PEX5L: variants seen among roughly 807,000 people sequenced by gnomAD.
PEX5L encodes the protein peroxisomal biogenesis factor 5 like.
A neutral mutation model predicts 84.0 loss-of-function variants in PEX5L; 30 were observed. The observed-to-expected ratio is 0.36, with a 90% CI of 0.27 to 0.48. The LOEUF (loss-of-function observed/expected upper bound fraction) is 0.48. Ranked by LOEUF, PEX5L falls within the 20% of genes least tolerant of loss-of-function variation. The probability of loss-of-function intolerance (pLI) is 0.99; values close to 1 mark genes in which losing one functional copy is unlikely to be tolerated. For missense variants in PEX5L, 533 were observed against 754.6 expected, an observed-to-expected ratio of 0.71 and a Z score of 3.44; for synonymous variants, 270 against 283.1, an observed-to-expected ratio of 0.95 and a Z score of 0.46.
intron 2 of PEX5L, among the ~76,000 whole-genome samples, chr3:179,934,828 T>C (rs1201308179): frequency 6.6e-6 from 1 of 152,168 alleles, no homozygotes; most frequent in African/African-American, 2.4e-5. Context: ...TGTGGTAGCA[T>C]TTGATTGTAT....
At chr3:179,961,575 C>T (rs1782053086) in intron 2 of PEX5L, among the ~76,000 whole-genome samples, 1 of 152,000 alleles carries the variant, frequency 6.6e-6, no homozygotes, top group Non-Finnish European at 1.5e-5. Flanking sequence ...GCATCTCAGT[C>T]CAAAGTCGAA....
chr3:179,800,202 T>TAG lies in PEX5L; in HGVS notation c.*1624_*1625dup, dbSNP rs1395197273. On this transcript the variant is annotated 3_prime_UTR_variant, in exon 15 of 15. Transcript: ENST00000467460. ...GCACGTGTGCACATTTACTCCTCAG[T>TAG]AGAAGCTTATTCCCCAGCCAATTAG... 2 of 152,232 alleles carry TAG rather than the reference T, an allele frequency of 1.3e-5. No homozygotes were observed. The highest frequency in any genetic ancestry group is 4.8e-5 in the African/African-American group (2 of 41,456). The allele number at this position is 152,232 out of a possible 1,614,324, so 9.4% of individuals were successfully genotyped here. A position where few individuals can be genotyped will look rare whatever the true frequency, so the allele number is the denominator to read the frequency against.
chr3:179,949,136 C>T (rs1394657640), intron 2 of PEX5L, among the ~76,000 whole-genome samples: 2 of 151,712 alleles, frequency 1.3e-5, no homozygotes, highest in Admixed American at 6.6e-5. Flanking sequence ...TAGTTTAGTC[C>T]GTGTTGCAAT....
chr3:180,004,884 C>T (rs1345126846), intron 1 of PEX5L, among the ~76,000 whole-genome samples: 2 of 151,848 alleles, frequency 1.3e-5, no homozygotes, highest in Non-Finnish European at 2.9e-5. Flanking sequence ...GAAATGCATA[C>T]TAGAATTAGT....
At chr3:179,807,878 T>C in intron 13 of PEX5L, 47 bp from the exon 14 acceptor site, 1 of 1,527,844 alleles carries the variant, frequency 6.5e-7, no homozygotes, top group South Asian at 1.2e-5. Context: ...CAAGGCACAA[T>C]GACAGAGCAT....
chr3:179,908,479 A>T (rs188756210), intron 2 of PEX5L, among the ~76,000 whole-genome samples: 213 of 152,210 alleles, frequency 1.4e-3, no homozygotes, highest in Middle Eastern at 0.014. Flanking sequence ...TTATTTTATT[A>T]TTGTTATACT....
intron 1 of PEX5L, among the ~76,000 whole-genome samples, chr3:179,994,122 C>T (rs1787634332): frequency 6.6e-6 from 1 of 152,178 alleles, no homozygotes; most frequent in African/African-American, 2.4e-5. Context: ...GGTGGACATT[C>T]AGGTTTTTAG....
intron 1 of PEX5L, among the ~76,000 whole-genome samples, chr3:180,007,262 T>C (rs1788993217): frequency 6.6e-6 from 1 of 152,198 alleles, no homozygotes; most frequent in Non-Finnish European, 1.5e-5. Context: ...AGCTCCAAAA[T>C]GATCTCCTTT....
chr3:179,945,436 T>A (rs1481705445), intron 2 of PEX5L, among the ~76,000 whole-genome samples: 1 of 152,194 alleles, frequency 6.6e-6, no homozygotes, highest in Non-Finnish European at 1.5e-5. Context: ...ACTTTCTAAA[T>A]CTCTCTAAGT....
intron 1 of PEX5L, among the ~76,000 whole-genome samples, chr3:180,002,540 C>T (rs920750760): frequency 6.6e-6 from 1 of 151,946 alleles, no homozygotes; most frequent in Non-Finnish European, 1.5e-5. Flanking sequence ...TGTATATTAT[C>T]CCCAGTTGTA....
chr3:179,914,083 A>G (rs1247237345), intron 2 of PEX5L, among the ~76,000 whole-genome samples: 1 of 152,164 alleles, frequency 6.6e-6, no homozygotes, highest in Non-Finnish European at 1.5e-5. Flanking sequence ...TGACTAACAG[A>G]GATTGATGTT....
At chr3:179,965,734 T>C (rs962164970) in intron 2 of PEX5L, among the ~76,000 whole-genome samples, 1 of 152,136 alleles carries the variant, frequency 6.6e-6, no homozygotes, top group African/African-American at 2.4e-5. Context: ...AACCAAAAAA[T>C]AAACTCAGCA....
chr3:180,024,591 G>A (rs1163190378), intron 1 of PEX5L, among the ~76,000 whole-genome samples: 1 of 151,062 alleles, frequency 6.6e-6, no homozygotes, highest in South Asian at 2.1e-4. Context: ...GTTCAGATAG[G>A]TGCACAAAAT....
chr3:179,848,271 C>G (rs1350765553), intron 8 of PEX5L, among the ~76,000 whole-genome samples: 1 of 152,020 alleles, frequency 6.6e-6, no homozygotes, highest in Non-Finnish European at 1.5e-5. Context: ...AAAAATTTGG[C>G]TGGGTGTGGT....
At chr3:179,909,165 A>G (rs1055607980) in intron 2 of PEX5L, among the ~76,000 whole-genome samples, 1 of 152,122 alleles carries the variant, frequency 6.6e-6, no homozygotes, top group Non-Finnish European at 1.5e-5. Flanking sequence ...AGAGCATTCT[A>G]TCATCTGAAT....
chr3:179,978,051 T>C (rs1579204992), intron 1 of PEX5L, among the ~76,000 whole-genome samples: 1 of 152,338 alleles, frequency 6.6e-6, no homozygotes, highest in East Asian at 1.9e-4. Context: ...CATTTTAAAC[T>C]GTTTTGCCAT....
At chr3:179,872,320 T>C (rs1250049288) in intron 7 of PEX5L, among the ~76,000 whole-genome samples, 2 of 152,206 alleles carry the variant, frequency 1.3e-5, no homozygotes, top group African/African-American at 4.8e-5. Flanking sequence ...AACCATAGGC[T>C]GAAATTAAAA....
Position 179,808,412 on chromosome 3 carries a change from A to T in PEX5L, c.1378T>A (p.Leu460Ile). 1 of 1,564,166 alleles carries T rather than the reference A, an allele frequency of 6.4e-7. No homozygotes were observed. Among genetic ancestry groups the T allele is most frequent in the Non-Finnish European group, 8.6e-7 (1 of 1,157,712 alleles). Residue 460 changes from leucine to isoleucine, a missense_variant, in exon 13 of 15, where the codon TTA becomes ATA. Coordinates refer to ENST00000467460, the MANE Select transcript of PEX5L (RefSeq NM_016559.3). ...TTTTGGTGGGCAGCTTCCAGATATA[A>T]TTCCTTCACCCCTTCCAGAACAGAG... ...DSSVLEGVKE[L>I]YLEAAHQNGD...
At chr3:180,016,838 C>T (rs1789987986) in intron 1 of PEX5L, among the ~76,000 whole-genome samples, 1 of 152,172 alleles carries the variant, frequency 6.6e-6, no homozygotes, top group Non-Finnish European at 1.5e-5. Context: ...ATGTAAATAG[C>T]TTTCCATTTA....
Sources: gnomAD v4.1 joint callset for allele counts (sites outside exome capture counted in the v4.1 genomes callset) on GRCh38, gnomAD v4.1.1 for gene constraint, MANE v1.5 for transcripts, NCBI Gene and HGNC (gene_info 2026-07-23, HGNC 2026-07-21) for gene names.